Variants in MDN1 observed in about 807,000 individuals in gnomAD.
MDN1 encodes midasin.
MDN1 carries 266 observed loss-of-function variants against 669.2 expected under a neutral mutation model. The observed-to-expected ratio is 0.40, with a 90% CI of 0.36 to 0.44. The LOEUF (loss-of-function observed/expected upper bound fraction) is 0.44, where lower values mean the gene tolerates loss of function less well. Among genes scored for constraint, MDN1 ranks in the 20% least tolerant of loss-of-function variants. MDN1 has a pLI of 1.00. For missense variants in MDN1, 5,940 were observed against 6,754.0 expected (o/e 0.88, Z 4.22); for synonymous variants, 2,385 against 2,457.1 (o/e 0.97, Z 0.87).
chr6:89,781,223 C>T (rs192726963), intron 10 of MDN1, 176 bp downstream of exon 10: 76 of 633,210 alleles, frequency 1.2e-4, no homozygotes, highest in African/African-American at 1.2e-3. Context: ...ATGAAGCAAC[C>T]TATAATTTCA....
intron 29 of MDN1, 114 bp downstream of exon 29, chr6:89,745,159 A>AGAGGAAG (rs1816538112): frequency 8.7e-7 from 1 of 1,152,184 alleles, no homozygotes; most frequent in Middle Eastern, 2.2e-4. Context: ...AAAAGAAAAA[A>AGAGGAAG]GAGGAAGGAG....
Position 89,793,862 on chromosome 6 carries a change from T to G in MDN1, c.755A>C (p.Gln252Pro), listed in dbSNP as rs930132435. 8 of 1,614,172 alleles carry G rather than the reference T, an allele frequency of 5.0e-6. No individual in the cohort carries two copies. The highest frequency in any genetic ancestry group is 3.3e-4 in the Middle Eastern group (2 of 6,060). Reference sequence around the variant, plus strand: ...CGAAACAAGATGTCCCTGTAAGTACTGCAGCTCCTTCTGCTTACGCCAAAG... The same window carrying G: ...CGAAACAAGATGTCCCTGTAAGTACGGCAGCTCCTTCTGCTTACGCCAAAG... ...VSLWRKQKEL[Q>P]YLQGHLVSSD... Residue 252 changes from glutamine (Q) to proline (P), a missense_variant, in exon 5 of 102, where the codon CAG (glutamine) becomes CCG (proline). Physicochemically the swap from Gln to Pro is moderately conservative, Grantham distance 76. This residue lies in a region of MDN1 where 1,203 missense variants were observed against 1,268.9 expected (regional missense o/e 0.95). Coordinates refer to ENST00000369393, the MANE Select transcript of MDN1 (RefSeq NM_014611.3).
chr6:89,807,816 A>G (rs1163609045), intron 1 of MDN1, among the ~76,000 whole-genome samples: 1 of 152,080 alleles, frequency 6.6e-6, no homozygotes, highest in African/African-American at 2.4e-5. Flanking sequence ...TTGTAATTCA[A>G]TGTTCGTTTC....
chr6:89,680,526 A>G (rs1185454098), intron 74 of MDN1, 63 bp downstream of exon 74: 3 of 1,566,666 alleles, frequency 1.9e-6, no homozygotes, highest in African/African-American at 1.4e-5. Flanking sequence ...CCACATTCTC[A>G]GCCCTCCTGC....
intron 9 of MDN1, among the ~76,000 whole-genome samples, chr6:89,782,400 A>C (rs982518853): frequency 1.9e-4 from 29 of 151,978 alleles, no homozygotes; most frequent in African/African-American, 7.0e-4. Context: ...GTTTGAGACA[A>C]GCCTGGGCAA....
intron 78 of MDN1, 85 bp downstream of exon 78, chr6:89,675,379 C>A: frequency 1.8e-6 from 2 of 1,109,734 alleles, no homozygotes; most frequent in Non-Finnish European, 1.3e-6. Context: ...ATGTCTTATT[C>A]CTCTCCCCAC....
chr6:89,817,202 C>T (rs1489092453), intron 1 of MDN1, among the ~76,000 whole-genome samples: 2 of 152,100 alleles, frequency 1.3e-5, no homozygotes, highest in Admixed American at 6.6e-5. Flanking sequence ...AGCTGTAGCC[C>T]GACCACCTTG....
At chr6:89,735,515 A>G (rs996334291) in intron 33 of MDN1, among the ~76,000 whole-genome samples, 8 of 152,038 alleles carry the variant, frequency 5.3e-5, no homozygotes, top group African/African-American at 1.9e-4. Flanking sequence ...CTAAGATTAT[A>G]GGCACGTACT....
intron 31 of MDN1, among the ~76,000 whole-genome samples, chr6:89,741,690 C>T (rs909416214): frequency 6.6e-6 from 1 of 152,162 alleles, no homozygotes; most frequent in African/African-American, 2.4e-5. Context: ...GAAACCCATA[C>T]CAAGAAGTGG....
Position 89,689,986 on chromosome 6 carries a change from C to G in MDN1, c.10907G>C (p.Arg3636Pro), listed in dbSNP as rs552967003. Residue 3636 changes from arginine (R) to proline (P), a missense_variant, in exon 65 of 102, where the codon CGA becomes CCA. By Grantham distance (103) the Arg-to-Pro change is moderately radical. Coordinates refer to ENST00000369393, the MANE Select transcript of MDN1 (RefSeq NM_014611.3). ...IHQQLCLNFARSLWYQQTLPP... is the reference protein window; with the variant it reads ...IHQQLCLNFAPSLWYQQTLPP... ...CAGAGTCTGTTGATACCAGAGGGAT[C>G]GAGCAAAGTTGAGACACAATTGCTG... is the stretch of plus-strand genomic sequence containing the variant. 1 of 1,614,166 alleles carries G rather than the reference C, an allele frequency of 6.2e-7. No individual in the cohort carries two copies.
chr6:89,739,843 CAG>C (rs1353116292), intron 32 of MDN1, among the ~76,000 whole-genome samples: 2 of 152,188 alleles, frequency 1.3e-5, no homozygotes, highest in Non-Finnish European at 2.9e-5. Context: ...CCCATGAAAG[CAG>C]AGGTGTGTTT....
chr6:89,759,336 T>G (rs924260391), intron 17 of MDN1, among the ~76,000 whole-genome samples: 16 of 152,202 alleles, frequency 1.1e-4, no homozygotes, highest in African/African-American at 3.6e-4. Context: ...TCCCAGAGTG[T>G]TTAGTGATTG....
chr6:89,818,876 G>T (rs1461002621), intron 1 of MDN1, among the ~76,000 whole-genome samples: 1 of 151,798 alleles, frequency 6.6e-6, no homozygotes, highest in Non-Finnish European at 1.5e-5. Context: ...AAAGCCCGAA[G>T]ACCTATTTCC....
intron 84 of MDN1, among the ~76,000 whole-genome samples, chr6:89,667,005 A>C (rs2128302636): frequency 6.6e-6 from 1 of 152,316 alleles, no homozygotes; most frequent in African/African-American, 2.4e-5. Context: ...ATATATACAC[A>C]CTCATATACC....
At chr6:89,666,429 T>C (rs1157873935) in intron 84 of MDN1, among the ~76,000 whole-genome samples, 2 of 151,974 alleles carry the variant, frequency 1.3e-5, no homozygotes, top group African/African-American at 4.8e-5. Context: ...CACACCCAGC[T>C]AATTTTTGTA....
Position 89,652,246 on chromosome 6 carries a change from C to A in MDN1, c.15861G>T (p.Glu5287Asp). 1 of 1,614,074 alleles carries A rather than the reference C, an allele frequency of 6.2e-7. No homozygotes were observed. Among genetic ancestry groups the A allele is most frequent in the East Asian group, 2.2e-5 (1 of 44,890 alleles). ...FLKDVNELRQ[E>D]LERQLEMWQP... ...GCCACATTTCCAGCTGTCTCTCCAGCTCCTGTCTTAGCTCATTGACATCTT... is the reference window on the plus strand; with the variant it reads ...GCCACATTTCCAGCTGTCTCTCCAGATCCTGTCTTAGCTCATTGACATCTT... The change falls in exon 95 of 102, where the codon GAG becomes GAT. Residue 5287 changes from glutamate (E) to aspartate (D), a missense_variant. Glu to Asp is a conservative substitution (Grantham distance 45). Around this residue, in one of 5 missense-constraint regions of MDN1, gnomAD observed 2,280 missense variants for 2,576.3 expected, o/e 0.88. Transcript: ENST00000369393.
intron 90 of MDN1, among the ~76,000 whole-genome samples, chr6:89,657,906 G>T (rs772503788): frequency 3.5e-4 from 54 of 152,204 alleles, no homozygotes; most frequent in Non-Finnish European, 6.5e-4. Context: ...TACTGTACAG[G>T]TTTGCAGCCT....
At position 89,730,613 on chromosome 6, in the gene MDN1, CAGTT is replaced by C. The variant is rs536266559; in HGVS notation, c.5140+109_5140+112del. ...GTTATTCTCAAGTCAGAATCTAACT[CAGTT>C]AGTGCAAATATAATCATGAGTATTA... On this transcript the variant is annotated intron_variant, in intron 35 of 101. Transcript: ENST00000369393. The C allele has an allele frequency of 4.7e-5, 37 of 785,060 alleles. No homozygotes were observed. In the African/African-American group the frequency reaches 5.9e-4, roughly 13 times the overall value. 48.6% of individuals were successfully genotyped at this position (785,060 alleles called of 1,614,324 possible). A position where few individuals can be genotyped will look rare whatever the true frequency, so the allele number is the denominator to read the frequency against.
intron 49 of MDN1, among the ~76,000 whole-genome samples, chr6:89,711,243 C>T (rs771497959): frequency 7.9e-5 from 12 of 151,958 alleles, no homozygotes; most frequent in Admixed American, 3.3e-4. Context: ...TCTCTTAAAA[C>T]GAAAGAACTA....
Sources: gnomAD v4.1 joint callset for allele counts (sites outside exome capture counted in the v4.1 genomes callset) on GRCh38, gnomAD v4.1.1 for gene constraint, gnomAD v4.1.1 regional missense constraint, MANE v1.5 for transcripts, NCBI Gene and HGNC (gene_info 2026-07-23, HGNC 2026-07-21) for gene names.